ANKFY1: variants seen among roughly 807,000 people sequenced by gnomAD.
The protein encoded by ANKFY1 is ankyrin repeat and FYVE domain containing 1.
A neutral mutation model predicts 128.3 loss-of-function variants in ANKFY1; 47 were observed. That is an observed-to-expected ratio of 0.37 (90% CI 0.29 to 0.47). The LOEUF (loss-of-function observed/expected upper bound fraction) is 0.47, where lower values mean the gene tolerates loss of function less well. ANKFY1 is among the 20% of genes least tolerant of loss of function. ANKFY1 has a pLI of 1.00. For missense variants in ANKFY1, 1,222 were observed against 1,510.6 expected (o/e 0.81, Z 3.17); for synonymous variants, 553 against 601.6 (o/e 0.92, Z 1.18).
intron 1 of ANKFY1, among the ~76,000 whole-genome samples, chr17:4,247,108 C>T (rs896073684): frequency 2.7e-5 from 4 of 149,776 alleles, no homozygotes; most frequent in Non-Finnish European, 4.4e-5. Context: ...GAGAGAGACC[C>T]TGTCTTAAAA....
chr17:4,207,261 A>T (rs77123372), intron 6 of ANKFY1, among the ~76,000 whole-genome samples: 1 of 152,282 alleles, frequency 6.6e-6, no homozygotes, highest in Non-Finnish European at 1.5e-5. Flanking sequence ...AAAGTGAAAA[A>T]GGGAACCAGA....
intron 2 of ANKFY1, among the ~76,000 whole-genome samples, chr17:4,238,905 TG>T (rs1433488744): frequency 6.6e-6 from 1 of 152,156 alleles, no homozygotes; most frequent in Non-Finnish European, 1.5e-5. Context: ...ATTACAGGCA[TG>T]TGCCGCTACG....
intron 10 of ANKFY1, among the ~76,000 whole-genome samples, chr17:4,193,120 A>G (rs2059747385): frequency 6.6e-6 from 1 of 152,252 alleles, no homozygotes; most frequent in African/African-American, 2.4e-5. Flanking sequence ...TAAGATTTGA[A>G]CAGCATAATG....
intron 21 of ANKFY1, among the ~76,000 whole-genome samples, chr17:4,173,009 A>G (rs1046499568): frequency 2.0e-5 from 3 of 152,128 alleles, no homozygotes; most frequent in African/African-American, 7.2e-5. Flanking sequence ...GGCGCCCGCC[A>G]CCACGCCCAG....
chr17:4,249,247 C>T (rs1270566221), intron 1 of ANKFY1: 1 of 281,176 alleles, frequency 3.6e-6, no homozygotes, highest in Non-Finnish European at 5.4e-6. Context: ...CACTACTCAA[C>T]TCTGCCAGTT....
intron 5 of ANKFY1, among the ~76,000 whole-genome samples, chr17:4,209,082 T>C (rs1199565406): frequency 6.6e-6 from 1 of 151,708 alleles, no homozygotes; most frequent in Non-Finnish European, 1.5e-5. Context: ...ATGTAAACAC[T>C]GTTCTTTATG....
intron 1 of ANKFY1, among the ~76,000 whole-genome samples, chr17:4,243,091 A>G (rs1414489336): frequency 6.6e-6 from 1 of 152,022 alleles, no homozygotes; most frequent in Non-Finnish European, 1.5e-5. Flanking sequence ...TGTTTGAGAC[A>G]GAGTCTTGCT....
intron 1 of ANKFY1, among the ~76,000 whole-genome samples, chr17:4,246,744 T>G (rs1035185595): frequency 2.0e-5 from 3 of 152,200 alleles, no homozygotes; most frequent in Non-Finnish European, 2.9e-5. Context: ...TCCATTTCAC[T>G]TAAACTGTTG....
At chr17:4,224,961 T>C (rs2060399373) in intron 3 of ANKFY1, among the ~76,000 whole-genome samples, 1 of 148,800 alleles carries the variant, frequency 6.7e-6, no homozygotes, top group South Asian at 2.1e-4. Context: ...TTTTTTTAAA[T>C]AAACTGGTAA....
chr17:4,263,641 T>C, intron 1 of ANKFY1: 1 of 1,534,806 alleles, frequency 6.5e-7, no homozygotes, highest in Non-Finnish European at 8.7e-7. Context: ...CCTCCCGTGC[T>C]GCCCTCGGGG....
rs1326241112 is a variant in ANKFY1 at position 4,172,575 on chromosome 17, C to T, written c.3120G>A (p.Pro1040=). The part of the protein sequence containing the change: ...ECMPGYPLDK[P]DADGSTVLLL... Reference sequence around the variant, plus strand: ...ACACACCCGTGCTGCCGTCTGCATCCGGCTTGTCCAGAGGATACCCCGGCA... The same window carrying T: ...ACACACCCGTGCTGCCGTCTGCATCTGGCTTGTCCAGAGGATACCCCGGCA... Residue 1040 remains proline, a synonymous_variant, in exon 22 of 25, where the codon CCG becomes CCA. Coordinates refer to ENST00000341657, the MANE Select transcript of ANKFY1 (RefSeq NM_001330063.2). The T allele has an allele frequency of 3.7e-6, 6 of 1,613,796 alleles. No homozygotes were observed. The highest frequency in any genetic ancestry group is 2.7e-5 in the African/African-American group (2 of 74,920).
chr17:4,172,718 C>T, intron 21 of ANKFY1, 38 bp from the exon 22 acceptor site: 1 of 1,609,682 alleles, frequency 6.2e-7, no homozygotes, highest in Non-Finnish European at 8.5e-7. Flanking sequence ...AATGTATCTG[C>T]CATGGCCATC....
intron 2 of ANKFY1, among the ~76,000 whole-genome samples, chr17:4,239,548 AT>A (rs999167150): frequency 1.3e-5 from 2 of 149,858 alleles, no homozygotes; most frequent in African/African-American, 2.5e-5. Flanking sequence ...CGAAATTTTG[AT>A]TTTTTTTTTA....
At chr17:4,259,986 G>C (rs1438589844) in intron 1 of ANKFY1, among the ~76,000 whole-genome samples, 1 of 152,228 alleles carries the variant, frequency 6.6e-6, no homozygotes, top group African/African-American at 2.4e-5. Flanking sequence ...CAAAGACGCA[G>C]AGGTAGCAGC....
chr17:4,201,558 G>A (rs1275417960), intron 7 of ANKFY1, among the ~76,000 whole-genome samples: 1 of 150,892 alleles, frequency 6.6e-6, no homozygotes, highest in African/African-American at 2.5e-5. Flanking sequence ...AGAAGAAAAT[G>A]GATTTGACTG....
At position 4,178,660 on chromosome 17, in the gene ANKFY1, G is replaced by A. The variant is rs193115139; in HGVS notation, c.2598+197C>T. 121 of 609,382 alleles carry A rather than the reference G, an allele frequency of 2.0e-4. 1 individual carries two copies. The East Asian group carries it at 2.0e-3, about 10-fold the overall frequency. The allele number at this position is 609,382 out of a possible 1,614,324, so 37.7% of individuals were successfully genotyped here. The stretch of plus-strand genomic sequence containing the variant: ...CCATCGAAGCCGGGCACTGTCAGGC[G>A]CTGACACACAGGCAGAGGAGCCGGA... On this transcript the variant is annotated intron_variant, in intron 18 of 24. Coordinates refer to ENST00000341657, the MANE Select transcript of ANKFY1 (RefSeq NM_001330063.2). The surrounding 1 kb of genome is among the most constrained non-coding windows in gnomAD (Gnocchi z 4.1).
chr17:4,197,968 A>C (rs934297547), intron 7 of ANKFY1, among the ~76,000 whole-genome samples: 2 of 152,072 alleles, frequency 1.3e-5, no homozygotes, highest in African/African-American at 2.4e-5. Context: ...CGTCTCTACT[A>C]CAAATACAAA....
At chr17:4,202,281 A>C (rs995153169) in intron 7 of ANKFY1, among the ~76,000 whole-genome samples, 10 of 151,944 alleles carry the variant, frequency 6.6e-5, no homozygotes, top group African/African-American at 2.4e-4. Flanking sequence ...TGTGCCTGTA[A>C]TCCCAGCTAC....
chr17:4,223,307 G>A (rs904086408), intron 3 of ANKFY1: 65 of 1,179,140 alleles, frequency 5.5e-5, no homozygotes, highest in Non-Finnish European at 7.4e-5. Flanking sequence ...GTGCAAGTTA[G>A]TAGAGGCCAA....
Sources: allele counts gnomAD v4.1 joint callset (sites outside exome capture counted in the v4.1 genomes callset), GRCh38; gene constraint gnomAD v4.1.1; non-coding constraint Gnocchi (gnomAD v3.1); transcripts MANE v1.5; gene names NCBI Gene and HGNC (gene_info 2026-07-23, HGNC 2026-07-21).